DIS3L2: variants seen among roughly 807,000 people sequenced by gnomAD.
DIS3L2 encodes the protein DIS3-like exonuclease 2.
A neutral mutation model predicts 97.5 loss-of-function variants in DIS3L2; 34 were observed. The ratio of observed to expected loss-of-function variants is 0.35; its 90% CI spans 0.27 to 0.46. The LOEUF (loss-of-function observed/expected upper bound fraction) is 0.46. Ranked by LOEUF, DIS3L2 falls within the 20% of genes least tolerant of loss-of-function variation. The pLI is 1.00. For synonymous variants in DIS3L2, 435 were observed against 445.2 expected (o/e 0.98, Z 0.29); for missense variants, 1,038 against 1,146.0 (o/e 0.91, Z 1.36).
At chr2:232,234,449 G>A (rs567451039) in intron 10 of DIS3L2, among the ~76,000 whole-genome samples, 5 of 152,162 alleles carry the variant, frequency 3.3e-5, no homozygotes, top group South Asian at 2.1e-4. Flanking sequence ...TCCCGGGTTC[G>A]AGTGATTCTC....
intron 13 of DIS3L2, among the ~76,000 whole-genome samples, chr2:232,264,139 C>T (rs1339913356): frequency 6.6e-6 from 1 of 152,216 alleles, no homozygotes; most frequent in Non-Finnish European, 1.5e-5. Context: ...CTTGGATGCA[C>T]AGTTCACAAT....
chr2:231,976,791 A>G (rs1011521825), intron 1 of DIS3L2, among the ~76,000 whole-genome samples: 1 of 137,510 alleles, frequency 7.3e-6, no homozygotes, highest in African/African-American at 2.8e-5. Flanking sequence ...TTTTTGAGAC[A>G]GAGTCTCGCT....
At chr2:232,255,813 G>A (rs1466290896) in intron 12 of DIS3L2, among the ~76,000 whole-genome samples, 2 of 152,128 alleles carry the variant, frequency 1.3e-5, no homozygotes, top group African/African-American at 2.4e-5. Context: ...GCCTATTTCA[G>A]CCATTTACTT....
At chr2:232,196,135 C>T (rs1266713698) in intron 9 of DIS3L2, among the ~76,000 whole-genome samples, 1 of 152,050 alleles carries the variant, frequency 6.6e-6, no homozygotes, top group African/African-American at 2.4e-5. Context: ...CAGGGTCTTG[C>T]TCTGTCACCC....
At chr2:232,016,210 C>A (rs1694350128) in intron 3 of DIS3L2, among the ~76,000 whole-genome samples, 1 of 152,176 alleles carries the variant, frequency 6.6e-6, no homozygotes, top group Non-Finnish European at 1.5e-5. Flanking sequence ...TTATACTTTA[C>A]AAACTATGTT....
chr2:232,291,863 G>A (rs1694609290), intron 13 of DIS3L2, among the ~76,000 whole-genome samples: 1 of 152,194 alleles, frequency 6.6e-6, no homozygotes. Context: ...AACAAAACAG[G>A]GAATTCCTAA....
chr2:232,070,266 CAAAGA>C (rs920476361), intron 5 of DIS3L2, among the ~76,000 whole-genome samples: 2 of 152,118 alleles, frequency 1.3e-5, no homozygotes, highest in Admixed American at 1.3e-4. Flanking sequence ...GATTCCGTCT[CAAAGA>C]AAAGAAAAGA....
chr2:232,105,755 G>A (rs1214285280), intron 6 of DIS3L2, among the ~76,000 whole-genome samples: 1 of 152,170 alleles, frequency 6.6e-6, no homozygotes, highest in East Asian at 1.9e-4. Context: ...TCTCACAAAT[G>A]TTCATCCTGT....
intron 10 of DIS3L2, among the ~76,000 whole-genome samples, chr2:232,237,122 T>G (rs1016134466): frequency 1.3e-5 from 2 of 152,256 alleles, no homozygotes; most frequent in African/African-American, 4.8e-5. Context: ...CACACATACA[T>G]GTATATGTAT....
At chr2:232,008,613 A>G (rs1048757636) in intron 1 of DIS3L2, among the ~76,000 whole-genome samples, 2 of 152,166 alleles carry the variant, frequency 1.3e-5, no homozygotes, top group South Asian at 4.1e-4. Flanking sequence ...GGTTAGTACA[A>G]GTGGGTCTGG....
chr2:232,135,602 C>T (rs1273556166), intron 7 of DIS3L2, among the ~76,000 whole-genome samples: 4 of 152,134 alleles, frequency 2.6e-5, no homozygotes, highest in Admixed American at 6.6e-5. Context: ...CATGAGAAGA[C>T]GGGTGCCCTA....
At chr2:232,282,109 T>C (rs1035667087) in intron 13 of DIS3L2, among the ~76,000 whole-genome samples, 2 of 136,044 alleles carry the variant, frequency 1.5e-5, no homozygotes, top group African/African-American at 2.8e-5. Context: ...CCTCCTACTC[T>C]CTGTCTTTCC....
chr2:232,064,831 A>G (rs1186911561), intron 5 of DIS3L2, among the ~76,000 whole-genome samples: 1 of 152,096 alleles, frequency 6.6e-6, no homozygotes, highest in East Asian at 1.9e-4. Flanking sequence ...ACCCATTAAT[A>G]TATATGTTAT....
intron 6 of DIS3L2, among the ~76,000 whole-genome samples, chr2:232,129,901 A>G (rs1432259395): frequency 6.6e-6 from 1 of 152,208 alleles, no homozygotes; most frequent in African/African-American, 2.4e-5. Flanking sequence ...TCAAAATTTT[A>G]AATGTTTAGA....
intron 10 of DIS3L2, among the ~76,000 whole-genome samples, chr2:232,217,216 C>G (rs934554327): frequency 6.6e-6 from 1 of 152,110 alleles, no homozygotes. Flanking sequence ...CACACCTGGC[C>G]ATACCTGCTT....
intron 1 of DIS3L2, among the ~76,000 whole-genome samples, chr2:231,985,337 A>T (rs1396665001): frequency 1.3e-5 from 2 of 152,214 alleles, no homozygotes; most frequent in Non-Finnish European, 2.9e-5. Flanking sequence ...ATAGTATGTA[A>T]CCTTTGAGAT....
intron 8 of DIS3L2, among the ~76,000 whole-genome samples, chr2:232,146,155 T>C (rs1690212259): frequency 6.6e-6 from 1 of 152,216 alleles, no homozygotes; most frequent in African/African-American, 2.4e-5. Flanking sequence ...GATAGAATTA[T>C]GTTGCCTAAG....
intron 8 of DIS3L2, among the ~76,000 whole-genome samples, chr2:232,148,447 T>C (rs1418889828): frequency 6.6e-6 from 1 of 152,206 alleles, no homozygotes; most frequent in Admixed American, 6.5e-5. Context: ...GTCCAGTCTA[T>C]GCTGCTGTAA....
At chr2:232,076,646 T>TTA in intron 5 of DIS3L2, among the ~76,000 whole-genome samples, 2 of 152,320 alleles carry the variant, frequency 1.3e-5, no homozygotes, top group Middle Eastern at 6.8e-3. Flanking sequence ...TAGTAGTTCT[T>TTA]TATATATTCT....
Sources: allele counts gnomAD v4.1 joint callset (sites outside exome capture counted in the v4.1 genomes callset), GRCh38; gene constraint gnomAD v4.1.1; transcripts MANE v1.5; gene names NCBI Gene and HGNC (gene_info 2026-07-23, HGNC 2026-07-21).